DUSP12: variants seen among roughly 807,000 people sequenced by gnomAD.
DUSP12 encodes dual specificity phosphatase 12.
In DUSP12, 25 loss-of-function variants were observed where a neutral mutation model predicts 38.9. The observed-to-expected ratio is 0.64, with a 90% confidence interval of 0.47 to 0.90. The LOEUF (loss-of-function observed/expected upper bound fraction) is 0.90, where lower values mean the gene tolerates loss of function less well. DUSP12 is among the 40% of genes least tolerant of loss of function. The pLI, the probability that DUSP12 is intolerant of heterozygous loss-of-function variation, is 0.00. For synonymous variants in DUSP12, 153 were observed against 153.9 expected, an observed-to-expected ratio of 0.99 and a Z score of 0.05; for missense variants, 403 against 427.0, an observed-to-expected ratio of 0.94 and a Z score of 0.50.
intron 5 of DUSP12, among the ~76,000 whole-genome samples, chr1:161,754,039 C>G (rs1229787575): frequency 1.3e-5 from 2 of 151,974 alleles, no homozygotes; most frequent in Admixed American, 6.6e-5. Context: ...TTGGAGTGTG[C>G]CATGACAGCC....
At chr1:161,754,771 G>C (rs1056973918) in intron 5 of DUSP12, among the ~76,000 whole-genome samples, 5 of 152,150 alleles carry the variant, frequency 3.3e-5, no homozygotes, top group African/African-American at 4.8e-5. Flanking sequence ...AATTTGAGAT[G>C]AGATTTGGAT....
rs756656143 is a variant in DUSP12, at chr1:161,752,495, A to G, written c.674+31A>G. The G allele has an allele frequency of 4.2e-6, 6 of 1,423,862 alleles. No homozygotes were observed. The African/African-American group carries it at 5.7e-5, about 14-fold the overall frequency. The allele number at this position is 1,423,862 out of a possible 1,614,324, so 88.2% of individuals were successfully genotyped here. ...CTATTTTATATCCTTTGGATATTTT[A>G]TCTTGTCTCAGTAGCTGAAAAGTAC... On this transcript the variant is annotated intron_variant, in intron 4 of 5. Coordinates refer to ENST00000367943, the MANE Select transcript of DUSP12 (RefSeq NM_007240.3).
chr1:161,752,604 TA>T (rs1684042724), intron 4 of DUSP12, 140 bp downstream of exon 4: 3 of 607,794 alleles, frequency 4.9e-6, no homozygotes, highest in African/African-American at 1.9e-5. Context: ...AGAAAGAATA[TA>T]AATTCTTAAA....
chr1:161,752,246 A>ATT (rs368885178), intron 3 of DUSP12, 122 bp from the exon 4 acceptor site: 539 of 632,158 alleles, frequency 8.5e-4, no homozygotes, highest in Middle Eastern at 1.9e-3. Flanking sequence ...CTGGAATTTG[A>ATT]TTTTTTTTTT....
Position 161,750,017 on chromosome 1 carries a change from C to G in DUSP12, c.216C>G (p.Val72=). The change falls in exon 1 of 6, where the codon GTC becomes GTG. Residue 72 remains valine, a synonymous_variant. Transcript: ENST00000367943. The part of the protein sequence containing the change: ...EEPSFKAGPG[V]EDLWRLFVPA... ...CCAGCTTCAAGGCGGGGCCTGGGGT[C>G]GAGGATCTATGGCGCCTCTTCGTGC... is the stretch of plus-strand genomic sequence containing the variant. 6.2e-7 allele frequency: 1 copy of G among 1,613,990 alleles called. No homozygotes were observed. The highest frequency in any genetic ancestry group is 1.1e-5 in the South Asian group (1 of 91,070).
At chr1:161,755,639 C>T (rs1684096351) in intron 5 of DUSP12, among the ~76,000 whole-genome samples, 1 of 152,118 alleles carries the variant, frequency 6.6e-6, no homozygotes, top group South Asian at 2.1e-4. Flanking sequence ...GTTTTCTTTT[C>T]TATAAATTGC....
intron 5 of DUSP12, among the ~76,000 whole-genome samples, 162 bp from the exon 6 acceptor site, chr1:161,756,624 A>C (rs41270867): frequency 1.3e-5 from 2 of 151,874 alleles, no homozygotes; most frequent in Admixed American, 6.6e-5. Context: ...GTAGTCTACT[A>C]TCTATTACAG....
chr1:161,754,676 G>A (rs1684083709), intron 5 of DUSP12, among the ~76,000 whole-genome samples: 1 of 152,164 alleles, frequency 6.6e-6, no homozygotes, highest in South Asian at 2.1e-4. Context: ...GATCTTATGA[G>A]TGCTCATTCA....
At chr1:161,753,843 G>C (rs1684068667) in intron 5 of DUSP12, among the ~76,000 whole-genome samples, 1 of 141,902 alleles carries the variant, frequency 7.0e-6, no homozygotes, top group Non-Finnish European at 1.6e-5. Context: ...TTGGCTTCCT[G>C]TATGTGTCTT....
chr1:161,754,077 T>C (rs927845798), intron 5 of DUSP12, among the ~76,000 whole-genome samples: 2 of 152,228 alleles, frequency 1.3e-5, no homozygotes, highest in Admixed American at 1.3e-4. Flanking sequence ...TTACTTGATA[T>C]TAATGTGAAG....
At chr1:161,753,630 C>T (rs980622508) in intron 5 of DUSP12, among the ~76,000 whole-genome samples, 13 of 151,656 alleles carry the variant, frequency 8.6e-5, no homozygotes, top group Admixed American at 3.3e-4. Flanking sequence ...GAGGCTGAGG[C>T]GGGAGGATCA....
At position 161,757,100 on chromosome 1, in the gene DUSP12, A is replaced by G. The variant is rs991358942; in HGVS notation, c.*153A>G. On this transcript the variant is annotated 3_prime_UTR_variant, in exon 6 of 6. Coordinates refer to ENST00000367943, the MANE Select transcript of DUSP12 (RefSeq NM_007240.3). ...ATGTAACCTGGAAACTATGCTTTACATGGCAATCAAAGCCTTTTGATCATG... is the reference window on the plus strand; with the variant it reads ...ATGTAACCTGGAAACTATGCTTTACGTGGCAATCAAAGCCTTTTGATCATG... 9 of 674,812 alleles carry G rather than the reference A, an allele frequency of 1.3e-5. No individual in the cohort carries two copies. The highest frequency in any genetic ancestry group is 3.2e-5 in the Admixed American group (1 of 31,446). The allele number at this position is 674,812 out of a possible 1,614,324, so 41.8% of individuals were successfully genotyped here.
At chr1:161,752,182 G>A (rs1684032703) in intron 3 of DUSP12, among the ~76,000 whole-genome samples, 186 bp from the exon 4 acceptor site, 1 of 151,896 alleles carries the variant, frequency 6.6e-6, no homozygotes, top group Non-Finnish European at 1.5e-5. Flanking sequence ...CCCGTGCCCA[G>A]AACCTAAGCA....
chr1:161,754,206 A>G (rs1297225022), intron 5 of DUSP12, among the ~76,000 whole-genome samples: 3 of 152,214 alleles, frequency 2.0e-5, no homozygotes, highest in Non-Finnish European at 4.4e-5. Flanking sequence ...GAAGAATGCC[A>G]TAGCTTTATA....
At chr1:161,752,093 G>A in intron 3 of DUSP12, 109 bp downstream of exon 3, 1 of 848,820 alleles carries the variant, frequency 1.2e-6, no homozygotes, top group South Asian at 1.8e-5. Flanking sequence ...GTTTCTTTTT[G>A]AAACTGATTT....
intron 5 of DUSP12, among the ~76,000 whole-genome samples, chr1:161,755,778 A>G (rs773860255): frequency 6.6e-6 from 1 of 152,170 alleles, no homozygotes; most frequent in African/African-American, 2.4e-5. Flanking sequence ...TCTATTGCTT[A>G]TCAGATTTTT....
At chr1:161,756,460 T>C (rs1684109604) in intron 5 of DUSP12, among the ~76,000 whole-genome samples, 1 of 144,854 alleles carries the variant, frequency 6.9e-6, no homozygotes, top group African/African-American at 2.5e-5. Context: ...TTTGAAGTCC[T>C]AAATTACAAA....
intron 4 of DUSP12, among the ~76,000 whole-genome samples, chr1:161,752,806 A>G (rs1684046088): frequency 6.6e-6 from 1 of 152,128 alleles, no homozygotes; most frequent in Non-Finnish European, 1.5e-5. Context: ...CCTGGCCAAC[A>G]TGGTGAAACC....
At position 161,750,113 on chromosome 1, in the gene DUSP12, C is replaced by T; in HGVS notation, c.312C>T (p.Ala104=). 6.2e-7 allele frequency: 1 copy of T among 1,613,860 alleles called. No individual in the cohort carries two copies. The highest frequency in any genetic ancestry group is 8.5e-7 in the Non-Finnish European group (1 of 1,179,936). Reference sequence around the variant, plus strand: ...GGTGCGTGGCCTTCATCGGTCAGGCCCGCGCTGAGGGCCGTGCGGTGTTGG... The same window carrying T: ...GGTGCGTGGCCTTCATCGGTCAGGCTCGCGCTGAGGGCCGTGCGGTGTTGG... ...LDRCVAFIGQ[A]RAEGRAVLVH... is the part of the protein sequence containing the mutation. The change falls in exon 1 of 6, where the codon GCC becomes GCT. Residue 104 remains alanine, a synonymous_variant. Transcript: ENST00000367943.
Sources: gnomAD v4.1 joint callset for allele counts (sites outside exome capture counted in the v4.1 genomes callset) on GRCh38, gnomAD v4.1.1 for gene constraint, MANE v1.5 for transcripts, NCBI Gene and HGNC (gene_info 2026-07-23, HGNC 2026-07-21) for gene names.